LMNTD1: variants seen among roughly 807,000 people sequenced by gnomAD.
LMNTD1 encodes lamin tail domain containing 1, also known as lamin tail domain-containing protein 1.
LMNTD1 carries 35 observed loss-of-function variants against 50.9 expected under a neutral mutation model. The ratio of observed to expected loss-of-function variants is 0.69; its 90% CI spans 0.53 to 0.91. The LOEUF (loss-of-function observed/expected upper bound fraction) is 0.91. LMNTD1 is among the 40% of genes least tolerant of loss of function. The probability of loss-of-function intolerance (pLI) is 0.00; values close to 1 mark genes in which losing one functional copy is unlikely to be tolerated. For missense variants in LMNTD1, 470 were observed against 475.5 expected, an observed-to-expected ratio of 0.99 and a Z score of 0.11; for synonymous variants, 153 against 161.9, an observed-to-expected ratio of 0.94 and a Z score of 0.42.
At chr12:25,551,002 T>A (rs111421931) in intron 2 of LMNTD1, among the ~76,000 whole-genome samples, 260 of 152,310 alleles carry the variant, frequency 1.7e-3, no homozygotes, top group Middle Eastern at 6.8e-3. Context: ...AGATACACTA[T>A]TGAGTATGAC....
At chr12:25,546,607 C>T (rs1031802920) in intron 3 of LMNTD1, 53 bp from the exon 4 acceptor site, 16 of 1,145,394 alleles carry the variant, frequency 1.4e-5, no homozygotes, top group Non-Finnish European at 1.9e-5. Flanking sequence ...AATAAAATGA[C>T]ATTAAAAGGA....
At chr12:25,629,924 T>C (rs1414210989) in intron 1 of LMNTD1, among the ~76,000 whole-genome samples, 1 of 152,130 alleles carries the variant, frequency 6.6e-6, no homozygotes, top group East Asian at 1.9e-4. Context: ...GTGAACTAAT[T>C]TGTGACCCAG....
intron 9 of LMNTD1, chr12:25,500,012 C>A (rs772835058): frequency 3.3e-5 from 5 of 151,942 alleles, no homozygotes; most frequent in Non-Finnish European, 7.4e-5. Context: ...AAAACAAGAA[C>A]AGGGTAACTA....
intron 1 of LMNTD1, among the ~76,000 whole-genome samples, chr12:25,573,965 A>G (rs1944897905): frequency 6.6e-6 from 1 of 151,962 alleles, no homozygotes; most frequent in Non-Finnish European, 1.5e-5. Flanking sequence ...TAAACCTACC[A>G]CTGTTGATTA....
At chr12:25,497,117 C>T (rs1939104592) in intron 9 of LMNTD1, among the ~76,000 whole-genome samples, 2 of 152,032 alleles carry the variant, frequency 1.3e-5, no homozygotes, top group South Asian at 4.1e-4. Flanking sequence ...TCGATGAACA[C>T]GTGTTGTTTC....
chr12:25,552,570 G>T (rs1348367158), intron 2 of LMNTD1, among the ~76,000 whole-genome samples: 1 of 93,376 alleles, frequency 1.1e-5, no homozygotes, highest in Non-Finnish European at 2.1e-5. Context: ...TCGCGCCACT[G>T]CACTCTGTCT....
At chr12:25,547,868 T>C (rs558088231) in intron 3 of LMNTD1, among the ~76,000 whole-genome samples, 1 of 151,932 alleles carries the variant, frequency 6.6e-6, no homozygotes, top group South Asian at 2.1e-4. Flanking sequence ...TCAGTGAACC[T>C]ATACATCTAT....
intron 4 of LMNTD1, among the ~76,000 whole-genome samples, chr12:25,543,902 T>G (rs1943262356): frequency 6.6e-6 from 1 of 151,996 alleles, no homozygotes; most frequent in South Asian, 2.1e-4. Context: ...TTTTCCTAAG[T>G]TCCAAGAATT....
At chr12:25,612,311 C>T (rs1592103971) in intron 1 of LMNTD1, among the ~76,000 whole-genome samples, 1 of 107,542 alleles carries the variant, frequency 9.3e-6, no homozygotes, top group Admixed American at 1.3e-4. Context: ...CACACACACA[C>T]ACACACACAC....
At chr12:25,577,912 G>C (rs1037418477) in intron 1 of LMNTD1, among the ~76,000 whole-genome samples, 1 of 152,136 alleles carries the variant, frequency 6.6e-6, no homozygotes, top group Non-Finnish European at 1.5e-5. Context: ...CATGGTGGGA[G>C]CATATATGGG....
chr12:25,603,336 C>T (rs1426874739), intron 1 of LMNTD1, among the ~76,000 whole-genome samples: 4 of 151,932 alleles, frequency 2.6e-5, no homozygotes, highest in Non-Finnish European at 2.9e-5. Context: ...TTGCCCAGGC[C>T]GGAGCACAGT....
intron 1 of LMNTD1, among the ~76,000 whole-genome samples, chr12:25,616,626 C>A (rs537565962): frequency 6.6e-6 from 1 of 152,148 alleles, no homozygotes; most frequent in East Asian, 1.9e-4. Context: ...TGATATTGTA[C>A]TGCAGTTTTG....
rs528503276 is a variant in LMNTD1, at chr12:25,585,027, A to G, written c.59-38473T>C. On this transcript the variant is annotated intron_variant, in intron 1 of 7. Transcript: ENST00000445693. ...TTACTGGTTTTTATTTAAGTTGCTG[A>G]TTTTTTAATAAAGGGTCTGACCTTG... Among the ~76,000 whole-genome samples, 3 of 152,332 alleles carry G rather than the reference A, an allele frequency of 2.0e-5. No homozygotes were observed. In the East Asian group the frequency reaches 5.8e-4, roughly 29 times the overall value.
intron 1 of LMNTD1, among the ~76,000 whole-genome samples, chr12:25,599,185 T>C (rs541859976): frequency 6.6e-6 from 1 of 151,936 alleles, no homozygotes; most frequent in Non-Finnish European, 1.5e-5. Flanking sequence ...ATGTGATACA[T>C]CATATCAACA....
chr12:25,501,064 A>C (rs534133411), intron 9 of LMNTD1, among the ~76,000 whole-genome samples: 2 of 152,318 alleles, frequency 1.3e-5, no homozygotes, highest in South Asian at 4.1e-4. Context: ...ATCTCAGCTC[A>C]CTGCAGCCTC....
At chr12:25,612,290 T>TCACACACACA (rs71705893) in intron 1 of LMNTD1, among the ~76,000 whole-genome samples, 11 of 107,252 alleles carry the variant, frequency 1.0e-4, no homozygotes, top group South Asian at 8.1e-4. Context: ...CTAAGGTCCC[T>TCACACACACA]CACACACACA....
intron 1 of LMNTD1, among the ~76,000 whole-genome samples, chr12:25,576,488 T>C (rs1188914510): frequency 1.3e-5 from 2 of 152,256 alleles, no homozygotes; most frequent in Non-Finnish European, 2.9e-5. Context: ...ATAAATGTCT[T>C]CTTTTGAGAA....
At chr12:25,637,274 A>G (rs1056795527) in intron 1 of LMNTD1, among the ~76,000 whole-genome samples, 5 of 152,186 alleles carry the variant, frequency 3.3e-5, no homozygotes, top group African/African-American at 1.2e-4. Flanking sequence ...TGCCTTTGAG[A>G]GGACCCAGAT....
chr12:25,619,252 C>CTCTATATATATATATA (rs1374134268), intron 1 of LMNTD1, among the ~76,000 whole-genome samples: 25 of 84,430 alleles, frequency 3.0e-4, no homozygotes, highest in Non-Finnish European at 4.4e-4. Context: ...CTCTCTCTCT[C>CTCTATATATATATATA]TATATATATA....
Sources: allele counts gnomAD v4.1 joint callset (sites outside exome capture counted in the v4.1 genomes callset), GRCh38; gene constraint gnomAD v4.1.1; transcripts MANE v1.5; gene names NCBI Gene and HGNC (gene_info 2026-07-23, HGNC 2026-07-21).